COL11A1: variants seen among roughly 807,000 people sequenced by gnomAD.
COL11A1 encodes the protein collagen type XI alpha 1 chain, also known as collagen alpha-1(XI) chain.
Under a neutral mutation model 265.2 loss-of-function variants are expected in COL11A1, and 74 were observed. That is an observed-to-expected ratio of 0.28 (90% confidence interval 0.23 to 0.34). The LOEUF is 0.34. Among genes scored for constraint, COL11A1 ranks in the 10% least tolerant of loss-of-function variants. The pLI is 1.00. For synonymous variants in COL11A1, 816 were observed against 727.6 expected (o/e 1.12, Z -1.96); for missense variants, 2,165 against 2,263.6 (o/e 0.96, Z 0.88).
At chr1:102,915,804 A>T in intron 49 of COL11A1, 120 bp from the exon 50 acceptor site, 1 of 794,804 alleles carries the variant, frequency 1.3e-6, no homozygotes, top group East Asian at 2.8e-5. Flanking sequence ...TTTAAAAGGC[A>T]TTGAAAAACT....
intron 11 of COL11A1, 147 bp downstream of exon 11, chr1:103,017,673 A>C (rs1666672679): frequency 1.4e-6 from 1 of 699,090 alleles, no homozygotes; most frequent in South Asian, 1.6e-5. Flanking sequence ...TAAAATGTTA[A>C]CTAAAATGTT....
At chr1:102,955,413 C>G (rs1423732054) in intron 41 of COL11A1, among the ~76,000 whole-genome samples, 1 of 152,142 alleles carries the variant, frequency 6.6e-6, no homozygotes, top group South Asian at 2.1e-4. Flanking sequence ...GCAAAGACTG[C>G]TATACCGCAC....
chr1:102,886,823 A>G lies in COL11A1; in HGVS notation c.4842T>C (p.His1614=), dbSNP rs761311863. ...ARTCKDLQLS[H]PDFPDGEYWI... ...TTTACATACCATCTGGGAAGTCAGG[A>G]TGGCTGAGTTGCAGGTCTTTACAAG... is the stretch of plus-strand genomic sequence containing the variant. Residue 1614 remains histidine (H), a synonymous_variant, in exon 63 of 67, where the codon CAT becomes CAC. Transcript: ENST00000370096. The G allele has an allele frequency of 4.3e-6, 7 of 1,613,758 alleles. No homozygotes were observed. The highest frequency in any genetic ancestry group is 4.2e-6 in the Non-Finnish European group (5 of 1,179,822).
chr1:102,962,858 T>C, intron 38 of COL11A1, 98 bp from the exon 39 acceptor site: 1 of 1,067,768 alleles, frequency 9.4e-7, no homozygotes, highest in Non-Finnish European at 1.4e-6. Context: ...CAAAAGTTTA[T>C]CATCCTCACT....
At chr1:102,897,777 T>C (rs1208638153) in intron 57 of COL11A1, among the ~76,000 whole-genome samples, 1 of 152,180 alleles carries the variant, frequency 6.6e-6, no homozygotes, top group Non-Finnish European at 1.5e-5. Context: ...GGTGCCAGCA[T>C]ACTTTTTAAA....
intron 41 of COL11A1, among the ~76,000 whole-genome samples, chr1:102,947,989 A>T (rs183768499): frequency 6.6e-6 from 1 of 151,982 alleles, no homozygotes; most frequent in East Asian, 1.9e-4. Context: ...TACTTAGATA[A>T]CATCATCATT....
intron 38 of COL11A1, among the ~76,000 whole-genome samples, chr1:102,964,587 G>GGTGTGT (rs10627254): frequency 0.17 from 24,657 of 149,358 alleles, 2,187 homozygotes; most frequent in Admixed American, 0.27. Context: ...TTTCTCTAGG[G>GGTGTGT]GTGTGTGTGT....
Position 102,939,792 on chromosome 1 carries a change from C to A in COL11A1, c.3384+535G>T, listed in dbSNP as rs984023. ...CAGATGCTAAAATGATGCACATTAT[C>A]AGAGTGCTGGTTTAAAAATTTTTAA... On this transcript the variant is annotated intron_variant, in intron 43 of 66. Coordinates refer to ENST00000370096, the MANE Select transcript of COL11A1 (RefSeq NM_001854.4). 1.5e-4 allele frequency among the ~76,000 whole-genome samples: 23 copies of A among 152,142 alleles called. 1 individual carries two copies. Among genetic ancestry groups the A allele is most frequent in the African/African-American group, 5.1e-4 (21 of 41,500 alleles).
At position 102,993,031 on chromosome 1, in the gene COL11A1, CCT is replaced by C. The variant is rs375081373; in HGVS notation, c.2340+2831_2340+2832del. Among the ~76,000 whole-genome samples, 359 of 151,926 alleles carry C rather than the reference CCT, an allele frequency of 2.4e-3. 2 individuals carry two copies. Among genetic ancestry groups the C allele is most frequent in the African/African-American group, 8.2e-3 (340 of 41,434 alleles). On this transcript the variant is annotated intron_variant, in intron 28 of 66. Transcript: ENST00000370096. ...ATCTAGTCATTTATAATTTTATTTG[CCT>C]CTGTCACTTTACAACTCTCCTAGCA...
At chr1:102,967,310 G>A (rs1394608854) in intron 37 of COL11A1, among the ~76,000 whole-genome samples, 2 of 127,978 alleles carry the variant, frequency 1.6e-5, no homozygotes, top group East Asian at 5.1e-4. Flanking sequence ...GCGCGATCTC[G>A]GCTCACTGCA....
chr1:103,051,261 T>C (rs915412633), intron 4 of COL11A1, among the ~76,000 whole-genome samples: 8 of 152,236 alleles, frequency 5.3e-5, no homozygotes, highest in African/African-American at 1.9e-4. Context: ...CAGTTTGAGC[T>C]TCCTGGCCGC....
chr1:102,895,137 C>T (rs1396274452), intron 57 of COL11A1, among the ~76,000 whole-genome samples: 1 of 152,116 alleles, frequency 6.6e-6, no homozygotes, highest in Non-Finnish European at 1.5e-5. Context: ...TCACATCTGA[C>T]TCTAGTAGAG....
intron 4 of COL11A1, among the ~76,000 whole-genome samples, chr1:103,054,896 T>C (rs1272756489): frequency 3.9e-5 from 6 of 152,088 alleles, no homozygotes. Context: ...AGTGAAACTC[T>C]GTCTCAAAAA....
At chr1:103,079,644 G>C (rs945168583) in intron 2 of COL11A1, among the ~76,000 whole-genome samples, 1 of 151,774 alleles carries the variant, frequency 6.6e-6, no homozygotes, top group South Asian at 2.1e-4. Flanking sequence ...ATTAAGTTGC[G>C]GGTTTTATTT....
At chr1:103,004,301 T>TG (rs1665396144) in intron 20 of COL11A1, 143 bp downstream of exon 20, 3 of 642,638 alleles carry the variant, frequency 4.7e-6, no homozygotes, top group Non-Finnish European at 8.2e-6. Flanking sequence ...CCTTTTTAAT[T>TG]TTTTTCGCAT....
intron 57 of COL11A1, among the ~76,000 whole-genome samples, chr1:102,897,874 A>G (rs554353905): frequency 1.5e-3 from 234 of 151,858 alleles, no homozygotes; most frequent in Non-Finnish European, 3.0e-3. Flanking sequence ...CATTAGTGGC[A>G]TTTCATTCAG....
intron 4 of COL11A1, among the ~76,000 whole-genome samples, chr1:103,055,317 G>A (rs1323249573): frequency 6.6e-6 from 1 of 151,922 alleles, no homozygotes; most frequent in African/African-American, 2.4e-5. Context: ...GTTATCATCT[G>A]TGCCTACTCA....
In COL11A1 at chr1:103,078,890, A is replaced by G. The variant is rs773835381; in HGVS notation, c.275-19T>C. 11 of 1,554,170 alleles carry G rather than the reference A, an allele frequency of 7.1e-6. No individual in the cohort carries two copies. In the South Asian group the frequency reaches 1.0e-4, roughly 14 times the overall value. On this transcript the variant is annotated intron_variant, in intron 2 of 66. Coordinates refer to ENST00000370096, the MANE Select transcript of COL11A1 (RefSeq NM_001854.4). ...GTTCCACCTGAGAAGAAAAGGCCAA[A>G]GAGTTAGAAATTTCCAATTTCCAAT...
chr1:103,073,244 G>A (rs1477424201), intron 4 of COL11A1, among the ~76,000 whole-genome samples: 1 of 151,688 alleles, frequency 6.6e-6, no homozygotes, highest in African/African-American at 2.4e-5. Flanking sequence ...TTTAAAAAAG[G>A]AAAGAAATTC....
Sources: allele counts gnomAD v4.1 joint callset (sites outside exome capture counted in the v4.1 genomes callset), GRCh38; gene constraint gnomAD v4.1.1; transcripts MANE v1.5; gene names NCBI Gene and HGNC (gene_info 2026-07-23, HGNC 2026-07-21).